Variants in NCOA7 observed in about 807,000 individuals in gnomAD.
NCOA7 encodes the protein 140 kDa estrogen receptor-associated protein.
NCOA7 carries 45 observed loss-of-function variants against 104.3 expected under a neutral mutation model. The ratio of observed to expected loss-of-function variants is 0.43; its 90% CI spans 0.34 to 0.55. The LOEUF (loss-of-function observed/expected upper bound fraction) is 0.55, where lower values mean the gene tolerates loss of function less well. Among genes scored for constraint, NCOA7 ranks in the 20% least tolerant of loss-of-function variants. The pLI, the probability that NCOA7 is intolerant of heterozygous loss-of-function variation, is 0.02. For missense variants in NCOA7, 1,041 were observed against 1,119.7 expected (o/e 0.93, Z 1.00); for synonymous variants, 398 against 402.3 (o/e 0.99, Z 0.13).
chr6:125,889,533 G>T lies in NCOA7; in HGVS notation c.1479G>T (p.Met493Ile), dbSNP rs778055447. Residue 493 changes from methionine (M) to isoleucine (I), a missense_variant, in exon 9 of 16, where the codon ATG (methionine) becomes ATT (isoleucine). Physicochemically the swap from Met to Ile is conservative, Grantham distance 10. Around this residue, in one of 2 missense-constraint regions of NCOA7, gnomAD observed 914 missense variants for 942.7 expected, o/e 0.97. Coordinates refer to ENST00000392477, the MANE Select transcript of NCOA7 (RefSeq NM_181782.5). ...DLETCEKQDI[M>I]PEVDKQSGSP... is the part of the protein sequence containing the mutation. ...AAACCTGTGAGAAGCAAGATATAAT[G>T]CCAGAAGTGGACAAGCAGTCTGGTT... 1.2e-6 allele frequency: 2 copies of T among 1,614,092 alleles called. No individual in the cohort carries two copies. The highest frequency in any genetic ancestry group is 2.2e-5 in the South Asian group (2 of 91,086).
chr6:125,860,464 C>T (rs558176055), intron 3 of NCOA7, among the ~76,000 whole-genome samples: 1 of 152,206 alleles, frequency 6.6e-6, no homozygotes, highest in East Asian at 1.9e-4. Context: ...TCTCATGCCT[C>T]AGCTTCCCGA....
At chr6:125,919,276 CA>C in intron 11 of NCOA7, 3 of 1,611,684 alleles carry the variant, frequency 1.9e-6, no homozygotes, top group Non-Finnish European at 2.5e-6. Flanking sequence ...AGCGTGGCTA[CA>C]AGTAACTGTG....
chr6:125,810,186 T>C (rs1776850341), intron 1 of NCOA7: 1 of 152,042 alleles, frequency 6.6e-6, no homozygotes, highest in Admixed American at 6.5e-5. Context: ...AGGGAGGTCA[T>C]TGAGGACCTC....
At chr6:125,909,759 G>A (rs1295411971) in intron 10 of NCOA7, among the ~76,000 whole-genome samples, 1 of 152,010 alleles carries the variant, frequency 6.6e-6, no homozygotes, top group African/African-American at 2.4e-5. Flanking sequence ...GCAGTGAGCC[G>A]AGATCGCACC....
chr6:125,928,227 T>C lies in NCOA7; in HGVS notation c.2673T>C (p.Ser891=). 2 of 1,612,570 alleles carry C rather than the reference T, an allele frequency of 1.2e-6. No homozygotes were observed. Among genetic ancestry groups the C allele is most frequent in the African/African-American group, 1.3e-5 (1 of 74,852 alleles). ...NSYFINGDIS[S]LELGGGGGRF... is the part of the protein sequence containing the mutation. Reference sequence around the variant, plus strand: ...ACTTTATCAATGGAGACATAAGTTCTTTAGAACTTGGTGGTGGAGGGTAAG... The same window carrying C: ...ACTTTATCAATGGAGACATAAGTTCCTTAGAACTTGGTGGTGGAGGGTAAG... Residue 891 remains serine (S), a synonymous_variant, in exon 15 of 16, where the codon TCT becomes TCC. Coordinates refer to ENST00000392477, the MANE Select transcript of NCOA7 (RefSeq NM_181782.5).
intron 2 of NCOA7, among the ~76,000 whole-genome samples, chr6:125,848,984 A>C (rs1780873365): frequency 6.6e-6 from 1 of 152,212 alleles, no homozygotes; most frequent in Non-Finnish European, 1.5e-5. Context: ...GGAAAAATTC[A>C]GAAGATTAAG....
At chr6:125,909,202 T>C (rs992914395) in intron 10 of NCOA7, among the ~76,000 whole-genome samples, 9 of 152,226 alleles carry the variant, frequency 5.9e-5, no homozygotes, top group Admixed American at 3.3e-4. Context: ...TTTAGTGTGA[T>C]AGAAAGAACG....
At chr6:125,907,673 G>T (rs182565554) in intron 10 of NCOA7, among the ~76,000 whole-genome samples, 2 of 152,134 alleles carry the variant, frequency 1.3e-5, no homozygotes, top group African/African-American at 4.8e-5. Flanking sequence ...TTAAAAAAGC[G>T]GGGGTTGGGG....
At position 125,835,386 on chromosome 6, in the gene NCOA7, G is replaced by GA. The variant is rs918923565; in HGVS notation, c.51-19623dup. Among the ~76,000 whole-genome samples, 1,162 of 140,650 alleles carry GA rather than the reference G, an allele frequency of 8.3e-3. 16 individuals are homozygous for GA. The highest frequency in any genetic ancestry group is 0.027 in the African/African-American group (1,019 of 38,410). 92.3% of individuals were successfully genotyped at this position (140,650 alleles called of 152,430 possible). On this transcript the variant is annotated intron_variant, in intron 2 of 15. Coordinates refer to ENST00000392477, the MANE Select transcript of NCOA7 (RefSeq NM_181782.5). ...GAAAACAGATCAGACTACCTTAGGA[G>GA]AAAAAAAAAAAGGAATATGGAGTTT...
chr6:125,855,404 C>T (rs1002779558), intron 3 of NCOA7, 164 bp downstream of exon 3: 2 of 576,292 alleles, frequency 3.5e-6, no homozygotes, highest in African/African-American at 3.7e-5. Context: ...GTAAGGGGAT[C>T]ACACTAAAAT....
At chr6:125,915,023 A>C (rs1164112953) in intron 10 of NCOA7, among the ~76,000 whole-genome samples, 1 of 152,134 alleles carries the variant, frequency 6.6e-6, no homozygotes, top group Non-Finnish European at 1.5e-5. Context: ...ATAAATGAAG[A>C]CTCAATGAGG....
intron 1 of NCOA7, among the ~76,000 whole-genome samples, chr6:125,800,099 T>C (rs1160647318): frequency 6.6e-6 from 1 of 152,250 alleles, no homozygotes; most frequent in African/African-American, 2.4e-5. Context: ...TAATATAATA[T>C]ACAAATTAAT....
rs1355234457 is a variant in NCOA7 at position 125,920,928 on chromosome 6, G to T, written c.2245-15G>T. On this transcript the variant is annotated splice_polypyrimidine_tract_variant and intron_variant, in intron 11 of 15. Coordinates refer to ENST00000392477, the MANE Select transcript of NCOA7 (RefSeq NM_181782.5). ...GCCAATAAGTTATTTTTCTTGGCTTGTTTTCTCATTTCAGATCATCACTGT... is the reference window on the plus strand; with the variant it reads ...GCCAATAAGTTATTTTTCTTGGCTTTTTTTCTCATTTCAGATCATCACTGT... 1 of 1,610,326 alleles carries T rather than the reference G, an allele frequency of 6.2e-7. No homozygotes were observed. The highest frequency in any genetic ancestry group is 1.1e-5 in the South Asian group (1 of 90,988).
Position 125,815,397 on chromosome 6 carries a change from T to C in NCOA7, c.43T>C (p.Phe15Leu). ...GAAGAAGGAACGGAAACAAAGTTAT[T>C]TTGCTCGGTAAGCATTCATTTTACA... is the stretch of plus-strand genomic sequence containing the variant. ...EEKKERKQSYFARLKKKKQAK... is the reference protein window; with the variant it reads ...EEKKERKQSYLARLKKKKQAK... The change falls in exon 2 of 16, where the codon TTT becomes CTT. Residue 15 changes from phenylalanine (F) to leucine (L), a missense_variant. By Grantham distance (22) the Phe-to-Leu change is conservative (BLOSUM62 0). Around this residue, in one of 2 missense-constraint regions of NCOA7, gnomAD observed 914 missense variants for 942.7 expected, o/e 0.97. Coordinates refer to ENST00000392477, the MANE Select transcript of NCOA7 (RefSeq NM_181782.5). 1 of 1,608,694 alleles carries C rather than the reference T, an allele frequency of 6.2e-7. No individual in the cohort carries two copies. Among genetic ancestry groups the C allele is most frequent in the Non-Finnish European group, 8.5e-7 (1 of 1,177,592 alleles).
intron 2 of NCOA7, among the ~76,000 whole-genome samples, chr6:125,817,980 C>T (rs555790669): frequency 2.8e-4 from 42 of 151,946 alleles, no homozygotes; most frequent in African/African-American, 9.2e-4. Context: ...CCTTCCTCCC[C>T]GTCTCCCTTC....
intron 2 of NCOA7, among the ~76,000 whole-genome samples, chr6:125,825,977 T>C (rs557523457): frequency 4.6e-5 from 7 of 152,314 alleles, no homozygotes; most frequent in East Asian, 3.8e-4. Flanking sequence ...TTTTAAAATA[T>C]AAAAATTAGT....
chr6:125,821,754 G>A (rs1438091278), intron 2 of NCOA7, among the ~76,000 whole-genome samples: 1 of 152,012 alleles, frequency 6.6e-6, no homozygotes, highest in Non-Finnish European at 1.5e-5. Flanking sequence ...TCAGGGTGTT[G>A]CATTACAGTG....
At chr6:125,844,644 T>C (rs1238425337) in intron 2 of NCOA7, among the ~76,000 whole-genome samples, 2 of 152,110 alleles carry the variant, frequency 1.3e-5, no homozygotes, top group African/African-American at 4.8e-5. Flanking sequence ...GTTCAAAGAG[T>C]GATGTTCTTC....
intron 8 of NCOA7, 48 bp from the exon 9 acceptor site, chr6:125,888,891 G>T (rs1411789257): frequency 2.8e-6 from 4 of 1,410,032 alleles, no homozygotes; most frequent in South Asian, 3.5e-5. Flanking sequence ...TTTGTTTTTG[G>T]TTTTATTTTT....
Sources: gnomAD v4.1 joint callset for allele counts (sites outside exome capture counted in the v4.1 genomes callset) on GRCh38, gnomAD v4.1.1 for gene constraint, gnomAD v4.1.1 regional missense constraint, MANE v1.5 for transcripts, NCBI Gene and HGNC (gene_info 2026-07-23, HGNC 2026-07-21) for gene names.